PRELP: variants seen among roughly 807,000 people sequenced by gnomAD.
The protein encoded by PRELP is proline and arginine rich end leucine rich repeat protein.
A neutral mutation model predicts 22.8 loss-of-function variants in PRELP; 16 were observed. That is an observed-to-expected ratio of 0.70 (90% CI 0.47 to 1.06). The LOEUF (loss-of-function observed/expected upper bound fraction) is 1.06. Ranked by LOEUF, PRELP falls within the 50% of genes least tolerant of loss-of-function variation. PRELP has a pLI of 0.00. For missense variants in PRELP, 434 were observed against 485.2 expected (o/e 0.89, Z 0.99); for synonymous variants, 233 against 211.4 (o/e 1.10, Z -0.89).
chr1:203,486,880 A>G lies in PRELP; in HGVS notation c.1148A>G (p.Ter383TrpextTer13). Residue 383 changes from the stop codon to tryptophan, a stop_lost, in exon 3 of 3, where the codon TAG becomes TGG. Transcript: ENST00000343110. ...CGCCTCCTGCAGTCCGTGGTCATCT[A>G]GGCCCTACTCCGCCACCGGATCTGC... ...CFRLLQSVVI[*>W] 6.2e-7 allele frequency: 1 copy of G among 1,612,360 alleles called. No homozygotes were observed.
At chr1:203,476,667 G>A (rs1002409850) in intron 1 of PRELP, among the ~76,000 whole-genome samples, 1 of 152,124 alleles carries the variant, frequency 6.6e-6, no homozygotes, top group Non-Finnish European at 1.5e-5. Context: ...GCTTCACTGG[G>A]TAGGAGGGAG....
intron 2 of PRELP, among the ~76,000 whole-genome samples, chr1:203,485,085 C>A (rs1336391907): frequency 6.6e-6 from 1 of 150,984 alleles, no homozygotes; most frequent in Non-Finnish European, 1.5e-5. Flanking sequence ...GTGTCTCTAC[C>A]GACACCAACA....
At chr1:203,478,999 A>T (rs761398754) in intron 1 of PRELP, among the ~76,000 whole-genome samples, 9 of 152,170 alleles carry the variant, frequency 5.9e-5, no homozygotes, top group Non-Finnish European at 1.0e-4. Flanking sequence ...TAGGTTGAGA[A>T]CAGAAAGAAG....
intron 1 of PRELP, among the ~76,000 whole-genome samples, 161 bp downstream of exon 1, chr1:203,476,099 C>G (rs1299700800): frequency 1.3e-5 from 2 of 152,200 alleles, no homozygotes; most frequent in Non-Finnish European, 2.9e-5. Context: ...GTCTTCCTAA[C>G]TTCTTTCCTA....
Position 203,484,016 on chromosome 1 carries a change from C to T in PRELP, c.832C>T (p.Leu278=). 2 of 1,614,258 alleles carry T rather than the reference C, an allele frequency of 1.2e-6. No individual in the cohort carries two copies. The highest frequency in any genetic ancestry group is 1.7e-6 in the Non-Finnish European group (2 of 1,180,056). The change falls in exon 2 of 3, where the codon CTG becomes TTG. Residue 278 remains leucine, a synonymous_variant. Transcript: ENST00000343110. The part of the protein sequence containing the change: ...LAFIRLNYNK[L]TDRGLPKNSF... Reference sequence around the variant, plus strand: ...CTTCATTCGGCTTAACTACAACAAGCTGACAGACAGGGGACTCCCCAAGAA... The same window carrying T: ...CTTCATTCGGCTTAACTACAACAAGTTGACAGACAGGGGACTCCCCAAGAA...
intron 1 of PRELP, among the ~76,000 whole-genome samples, chr1:203,482,276 T>C (rs1262598041): frequency 1.4e-5 from 2 of 138,344 alleles, no homozygotes; most frequent in East Asian, 4.3e-4. Flanking sequence ...TGTGCTTTCT[T>C]TCTTTCTTTT....
intron 1 of PRELP, among the ~76,000 whole-genome samples, chr1:203,482,733 G>GA (rs1276549455): frequency 6.6e-6 from 1 of 151,184 alleles, no homozygotes; most frequent in African/African-American, 2.4e-5. Flanking sequence ...AAGTAGCTGG[G>GA]ATTACAGGCA....
At chr1:203,480,765 C>T (rs1660986520) in intron 1 of PRELP, among the ~76,000 whole-genome samples, 2 of 149,526 alleles carry the variant, frequency 1.3e-5, no homozygotes. Context: ...TCCTGGGGAA[C>T]CTCCTGTTGG....
intron 2 of PRELP, among the ~76,000 whole-genome samples, chr1:203,484,660 G>T (rs1661064145): frequency 6.6e-6 from 1 of 152,260 alleles, no homozygotes; most frequent in South Asian, 2.1e-4. Flanking sequence ...CTGAGCCTGG[G>T]TTTTGATTCA....
chr1:203,491,010 C>T lies in PRELP; in HGVS notation c.*4129C>T, dbSNP rs1174638001. On this transcript the variant is annotated 3_prime_UTR_variant, in exon 3 of 3. Transcript: ENST00000343110. This position sits in a 1 kb window ranked among gnomAD's most constrained non-coding sequence, Gnocchi z 4.4. ...GGCCTCTGAGCCCAAGCTAAGCCAT[C>T]ATATCCCCTGTGACCTGCATGTGCA... The T allele has an allele frequency of 8.5e-5, 13 of 152,492 alleles. No individual in the cohort carries two copies. The allele number at this position is 152,492 out of a possible 1,614,324, so 9.4% of individuals were successfully genotyped here.
chr1:203,479,706 C>CAA (rs397844598), intron 1 of PRELP, among the ~76,000 whole-genome samples: 810 of 52,516 alleles, frequency 0.015, 66 homozygotes, highest in Middle Eastern at 0.047. Flanking sequence ...CCTGTATCAC[C>CAA]AAAAAAAAAA....
chr1:203,481,264 A>G (rs1464125015), intron 1 of PRELP, among the ~76,000 whole-genome samples: 2 of 152,152 alleles, frequency 1.3e-5, no homozygotes, highest in South Asian at 4.1e-4. Flanking sequence ...GGGTCACAAA[A>G]ATTGAGGCTT....
intron 1 of PRELP, among the ~76,000 whole-genome samples, chr1:203,481,881 T>G (rs896998095): frequency 6.6e-6 from 1 of 152,152 alleles, no homozygotes; most frequent in Admixed American, 6.5e-5. Context: ...ATTGGTGGAT[T>G]TCAAGCCATT....
intron 1 of PRELP, among the ~76,000 whole-genome samples, chr1:203,480,581 C>T (rs1660983073): frequency 6.6e-6 from 1 of 152,190 alleles, no homozygotes; most frequent in Admixed American, 6.5e-5. Context: ...TGCCTCATGG[C>T]AAAGCTCCGG....
At chr1:203,476,937 G>A (rs186783073) in intron 1 of PRELP, among the ~76,000 whole-genome samples, 2 of 134,024 alleles carry the variant, frequency 1.5e-5, no homozygotes, top group Admixed American at 1.5e-4. Flanking sequence ...CTGTGGCAGA[G>A]GAGAAAAAAA....
intron 1 of PRELP, among the ~76,000 whole-genome samples, chr1:203,477,765 T>C (rs748002743): frequency 9.2e-5 from 14 of 151,376 alleles, no homozygotes; most frequent in Non-Finnish European, 1.6e-4. Flanking sequence ...TGGAACTCCA[T>C]GGCCCACTGA....
rs562306123 is a variant in PRELP at position 203,484,106 on chromosome 1, G to A, written c.922G>A (p.Ala308Thr). ...LSHNRISSVP[A>T]INNRLEHLYL... Reference sequence around the variant, plus strand: ...CCACAACAGGATCAGCAGTGTGCCCGCCATCAACAACAGGCTGGAACACCT... The same window carrying A: ...CCACAACAGGATCAGCAGTGTGCCCACCATCAACAACAGGCTGGAACACCT... The change falls in exon 2 of 3, where the codon GCC (alanine) becomes ACC (threonine). Residue 308 changes from alanine to threonine, a missense_variant. Physicochemically the swap from Ala to Thr is moderately conservative, Grantham distance 58. Transcript: ENST00000343110. 36 of 1,522,260 alleles carry A rather than the reference G, an allele frequency of 2.4e-5. No individual in the cohort carries two copies. The highest frequency in any genetic ancestry group is 2.9e-5 in the Non-Finnish European group (33 of 1,125,682). The allele number at this position is 1,522,260 out of a possible 1,614,324, so 94.3% of individuals were successfully genotyped here.
At chr1:203,482,037 C>G (rs1174861573) in intron 1 of PRELP, among the ~76,000 whole-genome samples, 2 of 152,164 alleles carry the variant, frequency 1.3e-5, no homozygotes, top group Non-Finnish European at 2.9e-5. Flanking sequence ...CCTCAGTCTC[C>G]TCCCCACAGG....
At position 203,484,035 on chromosome 1, in the gene PRELP, C is replaced by G. The variant is rs763824409; in HGVS notation, c.851C>G (p.Pro284Arg). 36 of 1,614,104 alleles carry G rather than the reference C, an allele frequency of 2.2e-5. 1 individual carries two copies. Among genetic ancestry groups the G allele is most frequent in the Non-Finnish European group, 2.6e-5 (31 of 1,180,050 alleles). ...NYNKLTDRGL[P>R]KNSFNISNLL... is the part of the protein sequence containing the mutation. Reference sequence around the variant, plus strand: ...AACAAGCTGACAGACAGGGGACTCCCCAAGAACTCCTTTAATATCTCCAAC... The same window carrying G: ...AACAAGCTGACAGACAGGGGACTCCGCAAGAACTCCTTTAATATCTCCAAC... Residue 284 changes from proline (P) to arginine (R), a missense_variant, in exon 2 of 3, where the codon CCC (proline) becomes CGC (arginine). Transcript: ENST00000343110.
Sources: gnomAD v4.1 joint callset for allele counts (sites outside exome capture counted in the v4.1 genomes callset) on GRCh38, gnomAD v4.1.1 for gene constraint, Gnocchi (gnomAD v3.1) non-coding constraint, MANE v1.5 for transcripts, NCBI Gene and HGNC (gene_info 2026-07-23, HGNC 2026-07-21) for gene names.